Variants in IKZF2 observed in about 807,000 individuals in gnomAD.
IKZF2 encodes the protein IKAROS family zinc finger 2.
IKZF2 carries 15 observed loss-of-function variants against 49.2 expected under a neutral mutation model. That is an observed-to-expected ratio of 0.30 (90% CI 0.20 to 0.47). The LOEUF is 0.47. Among genes scored for constraint, IKZF2 ranks in the 20% least tolerant of loss-of-function variants. The pLI is 1.00. For missense variants in IKZF2, 567 were observed against 664.6 expected, an observed-to-expected ratio of 0.85 and a Z score of 1.61; for synonymous variants, 227 against 221.4, an observed-to-expected ratio of 1.03 and a Z score of -0.23.
chr2:213,014,898 T>C (rs960604112), intron 7 of IKZF2: 6 of 152,054 alleles, frequency 3.9e-5, no homozygotes, highest in Admixed American at 2.6e-4. Context: ...GTTGCACTTG[T>C]GCCAGTACTG....
Position 213,004,518 on chromosome 2 carries a change from C to A in IKZF2, c.*2842G>T, listed in dbSNP as rs1386606644. The A allele has an allele frequency of 6.7e-6, 1 of 148,978 alleles. No homozygotes were observed. The highest frequency in any genetic ancestry group is 6.7e-5 in the Admixed American group (1 of 14,912). The allele number at this position is 148,978 out of a possible 1,614,324, so 9.2% of individuals were successfully genotyped here. On this transcript the variant is annotated 3_prime_UTR_variant, in exon 9 of 9. Transcript: ENST00000434687. ...ACAGAAGATAACCCATTTTCATGCTCCTCAAATACTTTCTGTAATGTGAAA... is the reference window on the plus strand; with the variant it reads ...ACAGAAGATAACCCATTTTCATGCTACTCAAATACTTTCTGTAATGTGAAA...
In IKZF2 at chr2:213,024,511, T is replaced by G. The variant is rs184395838; in HGVS notation, c.575-2381A>C. The stretch of plus-strand genomic sequence containing the variant: ...TGCATGGAGCAAAAGAATGGTGGTG[T>G]AGTATAACATGGGGAAACTAGTTTG... On this transcript the variant is annotated intron_variant, in intron 6 of 8. Coordinates refer to ENST00000434687, the MANE Select transcript of IKZF2 (RefSeq NM_001387220.1). Among the ~76,000 whole-genome samples the G allele has an allele frequency of 2.6e-4, 39 of 152,202 alleles. No individual in the cohort carries two copies. The East Asian group carries it at 6.7e-3, about 26-fold the overall frequency.
intron 4 of IKZF2, among the ~76,000 whole-genome samples, chr2:213,104,802 T>G (rs1177709106): frequency 6.6e-6 from 1 of 152,170 alleles, no homozygotes; most frequent in Non-Finnish European, 1.5e-5. Context: ...AGGTCACGCC[T>G]TAAAAGATCC....
At chr2:213,029,002 A>G (rs903568496) in intron 6 of IKZF2, among the ~76,000 whole-genome samples, 1 of 152,130 alleles carries the variant, frequency 6.6e-6, no homozygotes, top group Admixed American at 6.5e-5. Flanking sequence ...AACCAACTTT[A>G]AATTCCTAAG....
chr2:213,061,947 C>T (rs997524342), intron 4 of IKZF2, among the ~76,000 whole-genome samples: 2 of 151,462 alleles, frequency 1.3e-5, no homozygotes, highest in Non-Finnish European at 3.0e-5. Flanking sequence ...TACTTTACTA[C>T]TTTTTATGCT....
At chr2:213,062,771 A>C (rs1701827375) in intron 4 of IKZF2, among the ~76,000 whole-genome samples, 1 of 151,984 alleles carries the variant, frequency 6.6e-6, no homozygotes, top group Admixed American at 6.6e-5. Flanking sequence ...TGGCTATCTA[A>C]TAATTTATTG....
At position 213,106,651 on chromosome 2, in the gene IKZF2, AAAAAAG is replaced by A. The variant is rs1236912983; in HGVS notation, c.139+41051_139+41056del. 2.1e-4 allele frequency among the ~76,000 whole-genome samples: 31 copies of A among 151,128 alleles called. No homozygotes were observed. In the East Asian group the frequency reaches 5.4e-3, roughly 26 times the overall value. ...TGAGGGAAACCCTGTCTAAAAAAAA[AAAAAAG>A]AAAAAAGAAAAGAAAAGAAGAAAAA... On this transcript the variant is annotated intron_variant, in intron 4 of 8. Coordinates refer to ENST00000434687, the MANE Select transcript of IKZF2 (RefSeq NM_001387220.1).
chr2:213,103,700 C>T (rs2059425117), intron 4 of IKZF2, among the ~76,000 whole-genome samples: 1 of 151,978 alleles, frequency 6.6e-6, no homozygotes, highest in African/African-American at 2.4e-5. Flanking sequence ...AGGAATATAG[C>T]AAAATATTTG....
chr2:213,142,321 T>C (rs2060903914), intron 4 of IKZF2, among the ~76,000 whole-genome samples: 1 of 151,918 alleles, frequency 6.6e-6, no homozygotes, highest in Non-Finnish European at 1.5e-5. Context: ...CCTGCTTCAA[T>C]TTTTACCCTA....
At chr2:213,045,249 G>A (rs781781013) in intron 6 of IKZF2, among the ~76,000 whole-genome samples, 65 of 152,162 alleles carry the variant, frequency 4.3e-4, no homozygotes, top group Non-Finnish European at 6.8e-4. Context: ...GCTAAGGCAT[G>A]GCATTGATGC....
intron 6 of IKZF2, among the ~76,000 whole-genome samples, chr2:213,031,786 G>A (rs970809518): frequency 1.3e-5 from 2 of 152,098 alleles, no homozygotes; most frequent in Non-Finnish European, 2.9e-5. Flanking sequence ...GGAAGTAGAT[G>A]CTTAATCTCT....
In IKZF2 at chr2:213,005,103, A is replaced by G. The variant is rs1695216779; in HGVS notation, c.*2257T>C. ...TCCAAATGTTTCCTTAAATTGCAGT[A>G]AAAGACAAAATTGTGAACCTTAAAA... On this transcript the variant is annotated 3_prime_UTR_variant, in exon 9 of 9. Transcript: ENST00000434687. 1 of 151,654 alleles carries G rather than the reference A, an allele frequency of 6.6e-6. No individual in the cohort carries two copies. The highest frequency in any genetic ancestry group is 2.4e-5 in the African/African-American group (1 of 41,252). 9.4% of individuals were successfully genotyped at this position (151,654 alleles called of 1,614,324 possible). A position where few individuals can be genotyped will look rare whatever the true frequency, so the allele number is the denominator to read the frequency against.
chr2:213,129,840 G>T (rs2060414451), intron 4 of IKZF2, among the ~76,000 whole-genome samples: 1 of 152,184 alleles, frequency 6.6e-6, no homozygotes, highest in Non-Finnish European at 1.5e-5. Flanking sequence ...TTAAATTCAG[G>T]ATGTATTTTA....
chr2:213,020,816 C>A (rs1381641649), intron 7 of IKZF2, among the ~76,000 whole-genome samples: 1 of 152,096 alleles, frequency 6.6e-6, no homozygotes, highest in Non-Finnish European at 1.5e-5. Context: ...TAATCCTTGA[C>A]CTGGCTATGT....
chr2:213,021,352 A>G (rs1490681202), intron 7 of IKZF2: 1 of 153,942 alleles, frequency 6.5e-6, no homozygotes, highest in African/African-American at 2.4e-5. Flanking sequence ...GATAGACATT[A>G]CAAATCTTAA....
chr2:213,052,979 G>C (rs1295915570), intron 5 of IKZF2, among the ~76,000 whole-genome samples: 3 of 152,106 alleles, frequency 2.0e-5, no homozygotes, highest in South Asian at 2.1e-4. Context: ...ATTATTTCTT[G>C]TAAATAATTT....
intron 4 of IKZF2, among the ~76,000 whole-genome samples, chr2:213,079,971 A>G (rs1703748387): frequency 6.6e-6 from 1 of 152,180 alleles, no homozygotes; most frequent in South Asian, 2.1e-4. Context: ...TTTTTAGGAA[A>G]CCAATTACCT....
At chr2:213,097,089 G>A (rs1426860988) in intron 4 of IKZF2, among the ~76,000 whole-genome samples, 1 of 151,832 alleles carries the variant, frequency 6.6e-6, no homozygotes, top group Admixed American at 6.6e-5. Context: ...TAAAGACCAA[G>A]AGATAATACA....
chr2:213,146,280 G>A (rs1323450921), intron 4 of IKZF2, among the ~76,000 whole-genome samples: 5 of 151,994 alleles, frequency 3.3e-5, no homozygotes, highest in Non-Finnish European at 7.4e-5. Context: ...TGTAGTCATA[G>A]TATATTTTTT....
Sources: allele counts gnomAD v4.1 joint callset (sites outside exome capture counted in the v4.1 genomes callset), GRCh38; gene constraint gnomAD v4.1.1; transcripts MANE v1.5; gene names NCBI Gene and HGNC (gene_info 2026-07-23, HGNC 2026-07-21).